Variants in SHISA6 observed in about 807,000 individuals in gnomAD.
The protein encoded by SHISA6 is shisa family member 6, also known as protein shisa-6.
SHISA6 carries 22 observed loss-of-function variants against 47.9 expected under a neutral mutation model. The ratio of observed to expected loss-of-function variants is 0.46; its 90% CI spans 0.33 to 0.66. The LOEUF (loss-of-function observed/expected upper bound fraction) is 0.66. Among genes scored for constraint, SHISA6 ranks in the 30% least tolerant of loss-of-function variants. SHISA6 has a pLI of 0.02. For missense variants in SHISA6, 680 were observed against 764.6 expected (o/e 0.89, Z 1.30); for synonymous variants, 388 against 337.8 (o/e 1.15, Z -1.63).
intron 2 of SHISA6, among the ~76,000 whole-genome samples, chr17:11,332,387 G>T (rs1362470121): frequency 6.6e-6 from 1 of 152,124 alleles, no homozygotes. Context: ...CCGTCCTTAT[G>T]GGTAAAATTA....
chr17:11,242,128 T>C, intron 1 of SHISA6, 68 bp downstream of exon 1: 3 of 1,535,636 alleles, frequency 2.0e-6, no homozygotes, highest in South Asian at 1.2e-5. Flanking sequence ...GCTTCCCCTG[T>C]CCTCTTCACT....
intron 2 of SHISA6, among the ~76,000 whole-genome samples, chr17:11,325,577 C>G (rs1267573348): frequency 4.0e-5 from 6 of 151,826 alleles, no homozygotes; most frequent in Non-Finnish European, 8.8e-5. Flanking sequence ...GGGAAAGAAA[C>G]ATTTCTCATT....
chr17:11,410,861 C>T (rs1352122158), intron 3 of SHISA6, among the ~76,000 whole-genome samples: 8 of 152,234 alleles, frequency 5.3e-5, no homozygotes. Context: ...ACAGCTCATC[C>T]AGGCGGCTCT....
At chr17:11,365,859 G>T (rs565937307) in intron 2 of SHISA6, among the ~76,000 whole-genome samples, 2 of 152,252 alleles carry the variant, frequency 1.3e-5, no homozygotes, top group South Asian at 4.1e-4. Flanking sequence ...AGAGAATGTT[G>T]GGGAGCCTAC....
intron 3 of SHISA6, among the ~76,000 whole-genome samples, chr17:11,415,050 C>G (rs1249946368): frequency 6.6e-6 from 1 of 151,128 alleles, no homozygotes; most frequent in Non-Finnish European, 1.5e-5. Flanking sequence ...TGCACTCCAG[C>G]CTGGGGCGAC....
intron 3 of SHISA6, among the ~76,000 whole-genome samples, chr17:11,446,650 C>T (rs1455938993): frequency 6.6e-6 from 1 of 152,194 alleles, no homozygotes; most frequent in African/African-American, 2.4e-5. Flanking sequence ...ACATGGTCTC[C>T]TCCTGCCATG....
At position 11,358,050 on chromosome 17, in the gene SHISA6, CAT is replaced by C. The variant is rs1567583561; in HGVS notation, c.800-21362_800-21361del. Among the ~76,000 whole-genome samples, 4 of 152,284 alleles carry C rather than the reference CAT, an allele frequency of 2.6e-5. No homozygotes were observed. The East Asian group carries it at 7.7e-4, about 29-fold the overall frequency. On this transcript the variant is annotated intron_variant, in intron 2 of 5. Coordinates refer to ENST00000441885, the MANE Select transcript of SHISA6 (RefSeq NM_207386.4). ...TTTAATTACGGTAAAATATACATAACATAAAATTTACCATTTTATCCATTTTT... is the reference window on the plus strand; with the variant it reads ...TTTAATTACGGTAAAATATACATAACAAAATTTACCATTTTATCCATTTTT...
chr17:11,532,183 G>A (rs1469667395), intron 3 of SHISA6, among the ~76,000 whole-genome samples: 1 of 152,194 alleles, frequency 6.6e-6, no homozygotes, highest in Non-Finnish European at 1.5e-5. Flanking sequence ...CCAGCCGATG[G>A]CTCTGAACTG....
intron 2 of SHISA6, among the ~76,000 whole-genome samples, chr17:11,319,000 A>G (rs1025227762): frequency 2.7e-5 from 4 of 150,676 alleles, no homozygotes; most frequent in Non-Finnish European, 5.9e-5. Flanking sequence ...AACCTGGTCT[A>G]TTCTAGTATT....
At chr17:11,268,829 T>A (rs751440696) in intron 2 of SHISA6, among the ~76,000 whole-genome samples, 7 of 152,332 alleles carry the variant, frequency 4.6e-5, no homozygotes, top group Admixed American at 6.5e-5. Flanking sequence ...GATGACATAG[T>A]CCTTTACTTG....
Position 11,460,748 on chromosome 17 carries a change from A to G in SHISA6, c.895+81239A>G, listed in dbSNP as rs1915669637. Among the ~76,000 whole-genome samples the G allele has an allele frequency of 2.0e-5, 3 of 152,204 alleles. No homozygotes were observed. The South Asian group carries it at 6.2e-4, about 32-fold the overall frequency. On this transcript the variant is annotated intron_variant, in intron 3 of 5. Transcript: ENST00000441885. ...CCTGGATAGGGTAGGTAAGGAAGTG[A>G]GGCCAAGGCGACATTGGGGCCTGAG...
At chr17:11,502,764 C>A (rs2969185) in intron 3 of SHISA6, among the ~76,000 whole-genome samples, 70,245 of 151,836 alleles carry the variant, frequency 0.46, 16,238 homozygotes, top group East Asian at 0.55. Context: ...TCCTGTTTGG[C>A]AGGCACTGGG....
chr17:11,383,720 A>T (rs1393374153), intron 3 of SHISA6, among the ~76,000 whole-genome samples: 1 of 152,124 alleles, frequency 6.6e-6, no homozygotes, highest in African/African-American at 2.4e-5. Flanking sequence ...CCTTCTAAGT[A>T]CCTGCTTCTG....
intron 3 of SHISA6, among the ~76,000 whole-genome samples, chr17:11,387,783 G>T (rs1360831758): frequency 1.3e-5 from 2 of 152,120 alleles, no homozygotes; most frequent in Non-Finnish European, 2.9e-5. Flanking sequence ...CTGAGGTCAG[G>T]GACCTCCTCC....
intron 2 of SHISA6, among the ~76,000 whole-genome samples, chr17:11,313,174 T>C (rs1215752369): frequency 6.6e-6 from 1 of 152,244 alleles, no homozygotes; most frequent in Non-Finnish European, 1.5e-5. Flanking sequence ...TAGTATATAC[T>C]CATGCAGTAT....
intron 2 of SHISA6, among the ~76,000 whole-genome samples, chr17:11,300,363 G>T (rs1213547968): frequency 6.6e-6 from 1 of 152,184 alleles, no homozygotes; most frequent in Non-Finnish European, 1.5e-5. Context: ...GCAAGCCACT[G>T]CCCTTCTCTT....
intron 3 of SHISA6, among the ~76,000 whole-genome samples, chr17:11,512,330 C>T (rs750762652): frequency 2.6e-5 from 4 of 152,168 alleles, no homozygotes; most frequent in Non-Finnish European, 4.4e-5. Flanking sequence ...CTTAGCTCCC[C>T]GTACAGGACA....
intron 2 of SHISA6, among the ~76,000 whole-genome samples, chr17:11,273,761 G>A (rs990810600): frequency 5.9e-5 from 9 of 152,162 alleles, no homozygotes; most frequent in Non-Finnish European, 1.0e-4. Flanking sequence ...TCGATGTCAG[G>A]GTGTGGTCTG....
intron 3 of SHISA6, among the ~76,000 whole-genome samples, chr17:11,509,333 C>T (rs2071524809): frequency 6.6e-6 from 1 of 152,206 alleles, no homozygotes; most frequent in South Asian, 2.1e-4. Flanking sequence ...TAGTCAACGA[C>T]AGCATCACAC....
Sources: allele counts gnomAD v4.1 joint callset (sites outside exome capture counted in the v4.1 genomes callset), GRCh38; gene constraint gnomAD v4.1.1; transcripts MANE v1.5; gene names NCBI Gene and HGNC (gene_info 2026-07-23, HGNC 2026-07-21).